NYAP2: variants seen among roughly 807,000 people sequenced by gnomAD.
NYAP2 encodes neuronal tyrosine-phosphorylated phosphoinositide-3-kinase adapter 2.
NYAP2 carries 23 observed loss-of-function variants against 50.4 expected under a neutral mutation model. The ratio of observed to expected loss-of-function variants is 0.46; its 90% CI spans 0.33 to 0.65. NYAP2 has a LOEUF of 0.65. Among genes scored for constraint, NYAP2 ranks in the 30% least tolerant of loss-of-function variants. The pLI, the probability that NYAP2 is intolerant of heterozygous loss-of-function variation, is 0.02. For missense variants in NYAP2, 885 were observed against 861.0 expected (o/e 1.03, Z -0.35); for synonymous variants, 394 against 365.2 (o/e 1.08, Z -0.90).
intron 4 of NYAP2, among the ~76,000 whole-genome samples, chr2:225,575,617 A>T (rs1393401590): frequency 6.6e-6 from 1 of 152,156 alleles, no homozygotes; most frequent in Non-Finnish European, 1.5e-5. Context: ...GAGCTTCCTT[A>T]CAGCATGGTG....
chr2:225,542,347 G>C (rs900481157), intron 4 of NYAP2, among the ~76,000 whole-genome samples: 1 of 152,074 alleles, frequency 6.6e-6, no homozygotes, highest in African/African-American at 2.4e-5. Context: ...TCATGTTCCA[G>C]ATCTTTAGAG....
intron 6 of NYAP2, among the ~76,000 whole-genome samples, chr2:225,630,918 C>T (rs1053163629): frequency 1.3e-5 from 2 of 152,160 alleles, no homozygotes; most frequent in African/African-American, 4.8e-5. Context: ...GTTAGAAATG[C>T]TCTGGGACAT....
At chr2:225,517,880 T>C (rs908426967) in intron 4 of NYAP2, among the ~76,000 whole-genome samples, 10 of 152,082 alleles carry the variant, frequency 6.6e-5, no homozygotes, top group Non-Finnish European at 1.5e-4. Flanking sequence ...CCTTATACAC[T>C]ATTGATAGAC....
At chr2:225,469,207 A>G (rs932239962) in intron 3 of NYAP2, among the ~76,000 whole-genome samples, 2 of 152,240 alleles carry the variant, frequency 1.3e-5, no homozygotes, top group Non-Finnish European at 2.9e-5. Context: ...GGCAAAGGAT[A>G]TGGATAGACA....
At chr2:225,545,797 T>C (rs564625789) in intron 4 of NYAP2, among the ~76,000 whole-genome samples, 1 of 152,288 alleles carries the variant, frequency 6.6e-6, no homozygotes, top group East Asian at 1.9e-4. Context: ...TTTATTGTAG[T>C]CTTTGCAGTC....
At chr2:225,526,990 T>C (rs1032788022) in intron 4 of NYAP2, among the ~76,000 whole-genome samples, 2 of 152,138 alleles carry the variant, frequency 1.3e-5, no homozygotes, top group African/African-American at 4.8e-5. Context: ...CCATGTGTGA[T>C]CTTTTTCTAA....
At chr2:225,460,823 G>T (rs1410978862) in intron 3 of NYAP2, among the ~76,000 whole-genome samples, 2 of 151,784 alleles carry the variant, frequency 1.3e-5, no homozygotes, top group East Asian at 3.9e-4. Context: ...TCCATTACGT[G>T]GATAAGATTT....
chr2:225,700,668 T>G, the NYAP2 span: 1 of 151,806 alleles, frequency 6.6e-6, no homozygotes, highest in Non-Finnish European at 1.5e-5. Context: ...CACAAGATAC[T>G]AATTCTCAGC....
chr2:225,445,877 ATTAGT>A (rs1367235188), intron 3 of NYAP2, among the ~76,000 whole-genome samples: 1 of 152,252 alleles, frequency 6.6e-6, no homozygotes, highest in East Asian at 1.9e-4. Context: ...CTTTTGAAAA[ATTAGT>A]TTATTTACTT....
At chr2:225,673,247 C>G in the NYAP2 span, among the ~76,000 whole-genome samples, 1 of 152,040 alleles carries the variant, frequency 6.6e-6, no homozygotes, top group Non-Finnish European at 1.5e-5. Flanking sequence ...TACCTCCCAC[C>G]AGGTCCCTCC....
intron 3 of NYAP2, among the ~76,000 whole-genome samples, chr2:225,475,758 A>G (rs1039640571): frequency 7.2e-5 from 11 of 152,242 alleles, no homozygotes; most frequent in African/African-American, 2.7e-4. Flanking sequence ...TTTGTGGGAT[A>G]TATTTTCATA....
chr2:225,672,467 T>G, the NYAP2 span, among the ~76,000 whole-genome samples: 3 of 152,184 alleles, frequency 2.0e-5, no homozygotes, highest in African/African-American at 7.2e-5. Flanking sequence ...TGGTTTAATC[T>G]TCTACCCACA....
At chr2:225,477,536 G>A (rs188001352) in intron 3 of NYAP2, among the ~76,000 whole-genome samples, 6 of 151,866 alleles carry the variant, frequency 4.0e-5, no homozygotes, top group African/African-American at 9.6e-5. Flanking sequence ...GTGCCCGGCC[G>A]AGAGTCTCTA....
intron 4 of NYAP2, among the ~76,000 whole-genome samples, chr2:225,554,347 A>T: frequency 6.7e-6 from 1 of 150,004 alleles, no homozygotes. Flanking sequence ...TTGAGACAGA[A>T]TCTCATTCTG....
chr2:225,622,497 A>C (rs1054599739), intron 5 of NYAP2, among the ~76,000 whole-genome samples: 10 of 64,820 alleles, frequency 1.5e-4, no homozygotes, highest in South Asian at 6.2e-4. Context: ...AACCAATTTT[A>C]TTTCTTTTCT....
chr2:225,702,099 G>A, the NYAP2 span: 1 of 151,596 alleles, frequency 6.6e-6, no homozygotes, highest in Non-Finnish European at 1.5e-5. Context: ...CAATTCCTAC[G>A]ATTTAAGCAG....
intron 3 of NYAP2, among the ~76,000 whole-genome samples, chr2:225,504,334 G>A (rs1246429744): frequency 6.6e-6 from 1 of 152,092 alleles, no homozygotes; most frequent in African/African-American, 2.4e-5. Context: ...ATTTCATTCT[G>A]AGGGTTTTGC....
At chr2:225,583,447 G>T (rs1692336430) in intron 5 of NYAP2, among the ~76,000 whole-genome samples, 1 of 152,036 alleles carries the variant, frequency 6.6e-6, no homozygotes, top group South Asian at 2.1e-4. Flanking sequence ...ATTCACTTTT[G>T]CCACACTAAG....
chr2:225,494,062 T>C (rs996266229), intron 3 of NYAP2, among the ~76,000 whole-genome samples: 1 of 152,256 alleles, frequency 6.6e-6, no homozygotes, highest in Non-Finnish European at 1.5e-5. Context: ...TTTCACACTC[T>C]TTACTACTTA....
Sources: allele counts gnomAD v4.1 joint callset (sites outside exome capture counted in the v4.1 genomes callset), GRCh38; gene constraint gnomAD v4.1.1; transcripts MANE v1.5; gene names NCBI Gene and HGNC (gene_info 2026-07-23, HGNC 2026-07-21).